Variants in CORIN observed in about 807,000 individuals in gnomAD.
The protein encoded by CORIN is atrial natriuretic peptide-converting enzyme.
A neutral mutation model predicts 125.3 loss-of-function variants in CORIN; 117 were observed. That is an observed-to-expected ratio of 0.93 (90% CI 0.80 to 1.09). The LOEUF (loss-of-function observed/expected upper bound fraction) is 1.09. Among genes scored for constraint, CORIN ranks in the 50% least tolerant of loss-of-function variants. CORIN has a pLI of 0.00. For missense variants in CORIN, 1,253 were observed against 1,306.7 expected (o/e 0.96, Z 0.63); for synonymous variants, 450 against 466.4 (o/e 0.96, Z 0.45).
intron 5 of CORIN, among the ~76,000 whole-genome samples, chr4:47,708,435 T>C (rs1204733662): frequency 6.6e-6 from 1 of 152,200 alleles, no homozygotes; most frequent in Non-Finnish European, 1.5e-5. Flanking sequence ...TTGAGCCTAA[T>C]GAGATAATTC....
intron 19 of CORIN, among the ~76,000 whole-genome samples, chr4:47,609,136 A>G (rs1721772026): frequency 6.6e-6 from 1 of 152,216 alleles, no homozygotes; most frequent in Non-Finnish European, 1.5e-5. Flanking sequence ...CCAAATCTGC[A>G]CTAAATAAAG....
At chr4:47,761,396 A>G (rs10031604) in intron 4 of CORIN, among the ~76,000 whole-genome samples, 6,774 of 152,132 alleles carry the variant, frequency 0.045, 461 homozygotes, top group African/African-American at 0.15. Flanking sequence ...GCCCCAGGCG[A>G]GGGAGAGAGA....
intron 3 of CORIN, among the ~76,000 whole-genome samples, chr4:47,777,949 C>T (rs1175346638): frequency 6.6e-6 from 1 of 152,180 alleles, no homozygotes; most frequent in Admixed American, 6.5e-5. Flanking sequence ...ACATACAGTG[C>T]CAATTTTCTT....
intron 2 of CORIN, among the ~76,000 whole-genome samples, chr4:47,796,411 C>G (rs535594978): frequency 6.6e-6 from 1 of 151,848 alleles, no homozygotes; most frequent in African/African-American, 2.4e-5. Context: ...AGCAGAATGG[C>G]GATTGCCAGA....
chr4:47,747,762 C>T (rs554518737), intron 4 of CORIN, among the ~76,000 whole-genome samples: 2 of 152,276 alleles, frequency 1.3e-5, no homozygotes, highest in South Asian at 2.1e-4. Flanking sequence ...TGGGCAATAG[C>T]TCACTCATGT....
In CORIN at chr4:47,631,533, C is replaced by CA. The variant is rs919351845; in HGVS notation, c.2199-5013dup. On this transcript the variant is annotated intron_variant, in intron 16 of 21. Transcript: ENST00000273857. ...ATGGGACCATCTAGTTGCAGGAAAA[C>CA]AAGCTCAGGTTTCCCACTGATTCAA... is the stretch of plus-strand genomic sequence containing the variant. Among the ~76,000 whole-genome samples, 9 of 152,048 alleles carry CA rather than the reference C, an allele frequency of 5.9e-5. 1 individual carries two copies. The highest frequency in any genetic ancestry group is 5.9e-4 in the Admixed American group (9 of 15,268).
intron 5 of CORIN, among the ~76,000 whole-genome samples, chr4:47,727,725 T>A (rs1224111957): frequency 2.6e-5 from 4 of 152,146 alleles, no homozygotes; most frequent in African/African-American, 9.6e-5. Context: ...GAGGAGCTTA[T>A]AATTTTTTAA....
intron 5 of CORIN, among the ~76,000 whole-genome samples, chr4:47,713,168 G>T (rs1023340827): frequency 6.6e-6 from 1 of 152,128 alleles, no homozygotes. Context: ...GACTTAATTA[G>T]GTGTGGAGAA....
chr4:47,719,143 A>G (rs938975271), intron 5 of CORIN, among the ~76,000 whole-genome samples: 4 of 152,180 alleles, frequency 2.6e-5, no homozygotes, highest in African/African-American at 9.7e-5. Context: ...ATTATTCTTT[A>G]TCATAAACTT....
intron 5 of CORIN, among the ~76,000 whole-genome samples, chr4:47,708,320 T>C (rs1726673411): frequency 6.6e-6 from 1 of 152,218 alleles, no homozygotes; most frequent in African/African-American, 2.4e-5. Context: ...CCCCTTTGTC[T>C]TCAAAGCCAG....
intron 1 of CORIN, among the ~76,000 whole-genome samples, chr4:47,814,001 CA>C (rs1732160998): frequency 6.6e-6 from 1 of 152,064 alleles, no homozygotes; most frequent in Admixed American, 6.5e-5. Flanking sequence ...TTTGTCTTAT[CA>C]CAAAATATTT....
chr4:47,669,616 T>C (rs1431361993), intron 10 of CORIN, among the ~76,000 whole-genome samples: 3 of 151,136 alleles, frequency 2.0e-5, no homozygotes, highest in East Asian at 1.9e-4. Context: ...TCACCCAGGC[T>C]GGAGTGCAGT....
chr4:47,594,008 A>G lies in CORIN; in HGVS notation c.*1713T>C, dbSNP rs1721161676. 1.3e-5 allele frequency: 2 copies of G among 151,900 alleles called. No individual in the cohort carries two copies. The highest frequency in any genetic ancestry group is 4.2e-4 in the South Asian group (2 of 4,818). 9.4% of individuals were successfully genotyped at this position (151,900 alleles called of 1,614,324 possible). On this transcript the variant is annotated 3_prime_UTR_variant, in exon 22 of 22. Coordinates refer to ENST00000273857, the MANE Select transcript of CORIN (RefSeq NM_006587.4). ...AAAAAAAAAAAAAGGTGATTAGACC[A>G]TTACCATTTTATTTGTATTAAGAAT...
At chr4:47,834,965 G>A (rs1036452630) in intron 1 of CORIN, among the ~76,000 whole-genome samples, 2 of 152,108 alleles carry the variant, frequency 1.3e-5, no homozygotes, top group African/African-American at 2.4e-5. Flanking sequence ...AGAGCCTTGC[G>A]GTTCTTAAGG....
intron 5 of CORIN, among the ~76,000 whole-genome samples, chr4:47,732,876 T>C (rs558582277): frequency 1.3e-5 from 2 of 152,186 alleles, no homozygotes; most frequent in East Asian, 3.9e-4. Flanking sequence ...AATCTACTCT[T>C]TATTGGCCTG....
At chr4:47,693,140 GATTACAA>G (rs1725847446) in intron 5 of CORIN, 57 bp from the exon 6 acceptor site, 1 of 1,108,708 alleles carries the variant, frequency 9.0e-7, no homozygotes, top group Non-Finnish European at 1.4e-6. Context: ...TTTCTTTTAA[GATTACAA>G]AAAATAAATA....
chr4:47,757,745 A>C (rs923949901), intron 4 of CORIN, among the ~76,000 whole-genome samples: 2 of 151,166 alleles, frequency 1.3e-5, no homozygotes, highest in Non-Finnish European at 2.9e-5. Context: ...GGGAAAAGGA[A>C]ATTGTACCTA....
At chr4:47,631,306 C>T (rs1722796120) in intron 16 of CORIN, among the ~76,000 whole-genome samples, 1 of 152,172 alleles carries the variant, frequency 6.6e-6, no homozygotes, top group Non-Finnish European at 1.5e-5. Context: ...CGGGGCAAGC[C>T]AGCAAAGCTT....
chr4:47,709,167 T>C (rs1726718050), intron 5 of CORIN, among the ~76,000 whole-genome samples: 1 of 151,550 alleles, frequency 6.6e-6, no homozygotes, highest in Non-Finnish European at 1.5e-5. Context: ...GGAGATGTCA[T>C]ATTGTTCTGC....
Sources: allele counts gnomAD v4.1 joint callset (sites outside exome capture counted in the v4.1 genomes callset), GRCh38; gene constraint gnomAD v4.1.1; transcripts MANE v1.5; gene names NCBI Gene and HGNC (gene_info 2026-07-23, HGNC 2026-07-21).